PTPRE: variants seen among roughly 807,000 people sequenced by gnomAD.
PTPRE encodes the protein protein tyrosine phosphatase receptor type E.
A neutral mutation model predicts 102.0 loss-of-function variants in PTPRE; 51 were observed. The observed-to-expected ratio is 0.50, with a 90% CI of 0.40 to 0.63. PTPRE has a LOEUF of 0.63. PTPRE is among the 30% of genes least tolerant of loss of function. The pLI, the probability that PTPRE is intolerant of heterozygous loss-of-function variation, is 0.00. For synonymous variants in PTPRE, 345 were observed against 348.2 expected, an observed-to-expected ratio of 0.99 and a Z score of 0.10; for missense variants, 752 against 915.1, an observed-to-expected ratio of 0.82 and a Z score of 2.30.
At chr10:128,082,475 A>G (rs1851811157) in intron 20 of PTPRE, among the ~76,000 whole-genome samples, 2 of 151,452 alleles carry the variant, frequency 1.3e-5, no homozygotes, top group East Asian at 3.9e-4. Flanking sequence ...TCAGCCTCTC[A>G]AAGTGCTCTT....
chr10:128,064,237 C>T (rs1011503651), intron 10 of PTPRE, among the ~76,000 whole-genome samples: 2 of 152,232 alleles, frequency 1.3e-5, no homozygotes, highest in Non-Finnish European at 2.9e-5. Context: ...TGCCAGCTTA[C>T]TAATTGCCAC....
chr10:128,032,719 G>C (rs1846876262), intron 2 of PTPRE, among the ~76,000 whole-genome samples: 1 of 152,218 alleles, frequency 6.6e-6, no homozygotes, highest in South Asian at 2.1e-4. Context: ...CCTGTGAGAT[G>C]CCATGGTCAT....
chr10:127,982,063 G>A (rs1279979652), intron 1 of PTPRE, among the ~76,000 whole-genome samples: 8 of 152,128 alleles, frequency 5.3e-5, no homozygotes, highest in African/African-American at 1.9e-4. Flanking sequence ...ATCATTAGAG[G>A]TTGTATTAAA....
intron 2 of PTPRE, among the ~76,000 whole-genome samples, chr10:127,993,711 AG>A (rs1852932856): frequency 6.6e-6 from 1 of 152,204 alleles, no homozygotes; most frequent in Non-Finnish European, 1.5e-5. Flanking sequence ...CTCGTTCAAA[AG>A]GCAGGAAAAA....
intron 2 of PTPRE, among the ~76,000 whole-genome samples, chr10:127,983,588 C>G (rs1851816626): frequency 6.6e-6 from 1 of 152,156 alleles, no homozygotes; most frequent in Non-Finnish European, 1.5e-5. Flanking sequence ...AGCAATGCAG[C>G]TGCGTGCTTT....
intron 1 of PTPRE, among the ~76,000 whole-genome samples, chr10:127,962,706 AGT>A (rs755377773): frequency 9.2e-5 from 14 of 152,328 alleles, no homozygotes; most frequent in Middle Eastern, 3.4e-3. Flanking sequence ...GGACATCAGC[AGT>A]GTCTGGAGAC....
intron 2 of PTPRE, among the ~76,000 whole-genome samples, chr10:128,037,623 T>G (rs528475159): frequency 6.6e-6 from 1 of 152,308 alleles, no homozygotes; most frequent in South Asian, 2.1e-4. Flanking sequence ...AAAGACAGAT[T>G]TATAATGAAG....
chr10:128,052,918 GGAGA>G (rs1302547272), intron 6 of PTPRE, among the ~76,000 whole-genome samples: 1 of 152,148 alleles, frequency 6.6e-6, no homozygotes, highest in Admixed American at 6.5e-5. Context: ...ACTACCGAGC[GGAGA>G]GAGAAAGGAA....
chr10:127,986,789 C>T lies in PTPRE; in HGVS notation c.-8+4493C>T, dbSNP rs139127449. Among the ~76,000 whole-genome samples the T allele has an allele frequency of 4.6e-5, 7 of 152,338 alleles. No individual in the cohort carries two copies. The East Asian group carries it at 9.6e-4, about 21-fold the overall frequency. ...CCCCAAGCTGGTTTCTGGCTGCATC[C>T]GCTGGGGTGACGTTTCCAGCAGGGC... On this transcript the variant is annotated intron_variant, in intron 2 of 20. Transcript: ENST00000254667.
intron 12 of PTPRE, chr10:128,069,263 GC>G (rs1850547781): frequency 7.1e-6 from 1 of 140,002 alleles, no homozygotes; most frequent in South Asian, 2.2e-4. Context: ...CTCACTTAAT[GC>G]CCCGAGTCAG....
rs1259268768 is a variant in PTPRE at position 128,008,229 on chromosome 10, C to G, written c.-8+25933C>G. ...CGCTGGCTCGTCCGCCCTCGCCTCC[C>G]TCCCTCCCTTTCACCCTCCCTCCCT... On this transcript the variant is annotated intron_variant, in intron 2 of 20. Coordinates refer to ENST00000254667, the MANE Select transcript of PTPRE (RefSeq NM_006504.6). This position sits in a 1 kb window ranked among gnomAD's most constrained non-coding sequence, Gnocchi z 4.0. Among the ~76,000 whole-genome samples the G allele has an allele frequency of 6.6e-6, 1 of 151,944 alleles. No individual in the cohort carries two copies. Among genetic ancestry groups the G allele is most frequent in the African/African-American group, 2.4e-5 (1 of 41,384 alleles).
At chr10:127,965,536 G>A (rs932872631) in intron 1 of PTPRE, among the ~76,000 whole-genome samples, 1 of 152,208 alleles carries the variant, frequency 6.6e-6, no homozygotes, top group African/African-American at 2.4e-5. Flanking sequence ...AACTTAGGAA[G>A]AAGTCGTGAT....
chr10:128,055,395 G>A (rs74159153), intron 6 of PTPRE, among the ~76,000 whole-genome samples: 1,982 of 152,266 alleles, frequency 0.013, 19 homozygotes, highest in African/African-American at 0.019. Context: ...GGGGCCCCGC[G>A]GCATTCCTTG....
intron 11 of PTPRE, among the ~76,000 whole-genome samples, chr10:128,067,388 G>A (rs1590211518): frequency 1.8e-5 from 1 of 55,668 alleles, no homozygotes; most frequent in South Asian, 5.4e-4. Context: ...ATTCACACAT[G>A]TGCACACACA....
chr10:128,006,893 A>G (rs1414089797), intron 2 of PTPRE, among the ~76,000 whole-genome samples: 2 of 152,208 alleles, frequency 1.3e-5, no homozygotes, highest in East Asian at 3.8e-4. Context: ...AATTTCAAAT[A>G]AAATGATACT....
At chr10:127,952,657 G>A (rs1263312515) in intron 1 of PTPRE, among the ~76,000 whole-genome samples, 1 of 152,030 alleles carries the variant, frequency 6.6e-6, no homozygotes, top group East Asian at 1.9e-4. Context: ...GGGAACCGGG[G>A]GAGGGACCTA....
chr10:127,987,366 T>C (rs1015677262), intron 2 of PTPRE: 1 of 1,283,434 alleles, frequency 7.8e-7, no homozygotes, highest in Non-Finnish European at 1.0e-6. Context: ...GCCAGGATGG[T>C]TTCCCAGCGT....
At chr10:128,011,371 T>C (rs72847334) in intron 2 of PTPRE, among the ~76,000 whole-genome samples, 27,614 of 152,156 alleles carry the variant, frequency 0.18, 2,968 homozygotes, top group Non-Finnish European at 0.23. Context: ...AGTGGTTACG[T>C]TTCTAGAGTG....
At position 128,028,646 on chromosome 10, in the gene PTPRE, C is replaced by T. The variant is rs1261380679; in HGVS notation, c.-7-12229C>T. Among the ~76,000 whole-genome samples the T allele has an allele frequency of 1.3e-5, 2 of 152,136 alleles. No homozygotes were observed. Among genetic ancestry groups the T allele is most frequent in the African/African-American group, 4.8e-5 (2 of 41,426 alleles). ...CCCCGAGACCCCACCCCCTCAGGCA[C>T]AGCTGAGCAGCCCGCCGGGGCCCAG... On this transcript the variant is annotated intron_variant, in intron 2 of 20. Coordinates refer to ENST00000254667, the MANE Select transcript of PTPRE (RefSeq NM_006504.6). The surrounding 1 kb of genome is among the most constrained non-coding windows in gnomAD (Gnocchi z 4.5).
Sources: gnomAD v4.1 joint callset for allele counts (sites outside exome capture counted in the v4.1 genomes callset) on GRCh38, gnomAD v4.1.1 for gene constraint, Gnocchi (gnomAD v3.1) non-coding constraint, MANE v1.5 for transcripts, NCBI Gene and HGNC (gene_info 2026-07-23, HGNC 2026-07-21) for gene names.